IL12RB2: variants seen among roughly 807,000 people sequenced by gnomAD.
IL12RB2 encodes interleukin-12 receptor subunit beta-2.
A neutral mutation model predicts 89.4 loss-of-function variants in IL12RB2; 82 were observed. The ratio of observed to expected loss-of-function variants is 0.92; its 90% confidence interval spans 0.77 to 1.10. The LOEUF is 1.10. Ranked by LOEUF, IL12RB2 falls within the 50% of genes least tolerant of loss-of-function variation. IL12RB2 has a pLI of 0.00. For missense variants in IL12RB2, 963 were observed against 1,031.9 expected (o/e 0.93, Z 0.92); for synonymous variants, 368 against 370.1 (o/e 0.99, Z 0.07).
rs571957942 is a variant in IL12RB2, at chr1:67,321,606, G to T, written c.81G>T (p.Ala27=). Reference sequence around the variant, plus strand: ...TGCATCTGTATCTTATTGCAGATGCGTGCAAGAGAGGCGATGTGACTGTGA... The same window carrying T: ...TGCATCTGTATCTTATTGCAGATGCTTGCAAGAGAGGCGATGTGACTGTGA... ...TWLLIKAKID[A]CKRGDVTVKP... is the part of the protein sequence containing the mutation. The change falls in exon 4 of 17, where the codon GCG becomes GCT. Residue 27 remains alanine, a synonymous_variant. Transcript: ENST00000674203. 1 of 1,592,842 alleles carries T rather than the reference G, an allele frequency of 6.3e-7. No homozygotes were observed. The highest frequency in any genetic ancestry group is 8.6e-7 in the Non-Finnish European group (1 of 1,160,978).
intron 13 of IL12RB2, among the ~76,000 whole-genome samples, chr1:67,377,149 G>A (rs987948502): frequency 5.3e-5 from 8 of 152,238 alleles, no homozygotes; most frequent in African/African-American, 1.9e-4. Flanking sequence ...CCCATAGTAA[G>A]CAGGGATGGG....
chr1:67,333,696 A>G (rs1163963291), intron 8 of IL12RB2, among the ~76,000 whole-genome samples: 1 of 152,186 alleles, frequency 6.6e-6, no homozygotes, highest in Non-Finnish European at 1.5e-5. Flanking sequence ...AGCATCCATC[A>G]AAGGCAGGCC....
intron 8 of IL12RB2, among the ~76,000 whole-genome samples, chr1:67,336,744 C>G (rs1478086059): frequency 6.6e-6 from 1 of 152,216 alleles, no homozygotes; most frequent in Non-Finnish European, 1.5e-5. Flanking sequence ...GAGCCAGGCA[C>G]CTGCACGGTG....
intron 16 of IL12RB2, among the ~76,000 whole-genome samples, chr1:67,391,322 A>G (rs1326229834): frequency 6.6e-6 from 1 of 150,408 alleles, no homozygotes; most frequent in Admixed American, 6.6e-5. Context: ...CATCCCTATT[A>G]AGTTACAACA....
intron 2 of IL12RB2, among the ~76,000 whole-genome samples, chr1:67,319,011 G>A (rs1306540566): frequency 1.3e-5 from 2 of 152,188 alleles, no homozygotes; most frequent in African/African-American, 4.8e-5. Context: ...ATGATGGCTA[G>A]GCTAGAGGTA....
chr1:67,313,012 G>A (rs888652099), intron 1 of IL12RB2, among the ~76,000 whole-genome samples: 2 of 152,240 alleles, frequency 1.3e-5, no homozygotes, highest in Non-Finnish European at 1.5e-5. Flanking sequence ...ATGACATTAT[G>A]AATGGGGCCG....
chr1:67,393,216 G>A (rs528707989), intron 16 of IL12RB2, among the ~76,000 whole-genome samples: 1 of 152,244 alleles, frequency 6.6e-6, no homozygotes, highest in Admixed American at 6.5e-5. Context: ...TTCTTAAGAT[G>A]TGGCTACACC....
chr1:67,386,872 T>TTTTTTA (rs1473033781), intron 15 of IL12RB2, among the ~76,000 whole-genome samples: 39 of 48,440 alleles, frequency 8.1e-4, no homozygotes, highest in Admixed American at 1.6e-3. Flanking sequence ...GAAATGTATT[T>TTTTTTA]TATATATATA....
At chr1:67,331,965 C>T (rs1177404837) in intron 8 of IL12RB2, among the ~76,000 whole-genome samples, 1 of 152,062 alleles carries the variant, frequency 6.6e-6, no homozygotes, top group Non-Finnish European at 1.5e-5. Context: ...TTATCTGGAG[C>T]TTTTGTAACA....
At chr1:67,381,940 C>T (rs546910223) in intron 14 of IL12RB2, among the ~76,000 whole-genome samples, 20 of 151,254 alleles carry the variant, frequency 1.3e-4, no homozygotes, top group African/African-American at 3.9e-4. Flanking sequence ...GAGCTGAGAT[C>T]GCACCACTGC....
chr1:67,330,870 A>T, intron 8 of IL12RB2, 60 bp downstream of exon 8: 1 of 911,368 alleles, frequency 1.1e-6, no homozygotes, highest in South Asian at 1.3e-5. Flanking sequence ...AGGGGGGAAG[A>T]TGTAATGATT....
intron 4 of IL12RB2, among the ~76,000 whole-genome samples, chr1:67,324,670 T>A (rs1049801239): frequency 6.6e-6 from 1 of 152,198 alleles, no homozygotes; most frequent in Admixed American, 6.5e-5. Context: ...AACTTTTAAG[T>A]ATGAACTTGT....
intron 16 of IL12RB2, among the ~76,000 whole-genome samples, chr1:67,391,401 A>ACACACC: frequency 6.8e-6 from 1 of 147,978 alleles, no homozygotes; most frequent in East Asian, 2.0e-4. Context: ...ACACACACAC[A>ACACACC]CACAAACTGC....
chr1:67,338,668 G>T lies in IL12RB2; in HGVS notation c.1003G>T (p.Asp335Tyr), dbSNP rs761684036. ...TGTCTGGTACATGAAACGGCACATT[G>T]ACTACAGTAGACAACAGATTTCTCT... ...LDVWYMKRHI[D>Y]YSRQQISLFW... Residue 335 changes from aspartate (D) to tyrosine (Y), a missense_variant, in exon 9 of 17, where the codon GAC (aspartate) becomes TAC (tyrosine). Physicochemically the swap from Asp to Tyr is radical, Grantham distance 160. Transcript: ENST00000674203. 1.3e-6 allele frequency: 2 copies of T among 1,546,734 alleles called. No individual in the cohort carries two copies. Among genetic ancestry groups the T allele is most frequent in the East Asian group, 2.2e-5 (1 of 44,558 alleles).
intron 11 of IL12RB2, among the ~76,000 whole-genome samples, chr1:67,371,450 A>G (rs935267371): frequency 6.6e-6 from 1 of 151,886 alleles, no homozygotes; most frequent in Non-Finnish European, 1.5e-5. Context: ...ATCAACTGTC[A>G]GTGTAGGGGA....
At chr1:67,352,793 C>T (rs748840780) in intron 10 of IL12RB2, among the ~76,000 whole-genome samples, 2 of 152,088 alleles carry the variant, frequency 1.3e-5, no homozygotes, top group Non-Finnish European at 2.9e-5. Context: ...TAATGAGATA[C>T]AAATTTTGAG....
Position 67,363,927 on chromosome 1 carries a change from T to C in IL12RB2, c.1259-3898T>C, listed in dbSNP as rs559394263. On this transcript the variant is annotated intron_variant, in intron 10 of 16. Coordinates refer to ENST00000674203, the MANE Select transcript of IL12RB2 (RefSeq NM_001374259.2). Reference sequence around the variant, plus strand: ...AATGACAAACAAAATGAGGGATAGATGACAAAGGCAACAAATAGAAAATAG... The same window carrying C: ...AATGACAAACAAAATGAGGGATAGACGACAAAGGCAACAAATAGAAAATAG... 3.3e-5 allele frequency among the ~76,000 whole-genome samples: 5 copies of C among 152,248 alleles called. No homozygotes were observed. The East Asian group carries it at 9.6e-4, about 29-fold the overall frequency.
intron 9 of IL12RB2, among the ~76,000 whole-genome samples, chr1:67,340,483 G>A (rs556025539): frequency 3.3e-5 from 5 of 152,286 alleles, no homozygotes; most frequent in East Asian, 1.9e-4. Flanking sequence ...TCTATTCCAC[G>A]CCTCTCAACT....
At chr1:67,376,475 A>G (rs1664002692) in intron 13 of IL12RB2, among the ~76,000 whole-genome samples, 1 of 152,126 alleles carries the variant, frequency 6.6e-6, no homozygotes, top group Admixed American at 6.5e-5. Context: ...TGGTGCCTTT[A>G]TCATTGAATC....
Sources: gnomAD v4.1 joint callset for allele counts (sites outside exome capture counted in the v4.1 genomes callset) on GRCh38, gnomAD v4.1.1 for gene constraint, MANE v1.5 for transcripts, NCBI Gene and HGNC (gene_info 2026-07-23, HGNC 2026-07-21) for gene names.